Variants in KANK1 observed in about 807,000 individuals in gnomAD.
KANK1 encodes KN motif and ankyrin repeat domain-containing protein 1.
A neutral mutation model predicts 106.2 loss-of-function variants in KANK1; 109 were observed. The observed-to-expected ratio is 1.03, with a 90% CI of 0.88 to 1.20. KANK1 has a LOEUF of 1.20. Among genes scored for constraint, KANK1 ranks in the 50% most tolerant of loss-of-function variants. The pLI is 0.00. For missense variants in KANK1, 2,399 were observed against 1,710.7 expected (o/e 1.40, Z -7.10); for synonymous variants, 873 against 652.2 (o/e 1.34, Z -5.16).
At position 710,649 on chromosome 9, in the gene KANK1, C is replaced by A. The variant is rs1200497773; in HGVS notation, c.38-155C>A. On this transcript the variant is annotated intron_variant, in intron 2 of 11. Transcript: ENST00000382297. Reference sequence around the variant, plus strand: ...AAAAAACAAAAAAAAACAAAAAAAACTTGCTTACCCAGCTGTTGTAGATCC... The same window carrying A: ...AAAAAACAAAAAAAAACAAAAAAAAATTGCTTACCCAGCTGTTGTAGATCC... Among the ~76,000 whole-genome samples the A allele has an allele frequency of 1.1e-3, 143 of 130,786 alleles. 2 individuals are homozygous for A. The highest frequency in any genetic ancestry group is 2.1e-3 in the East Asian group (9 of 4,260). 85.8% of individuals were successfully genotyped at this position (130,786 alleles called of 152,430 possible).
At chr9:569,832 T>C (rs1234880006) in intron 1 of KANK1, among the ~76,000 whole-genome samples, 1 of 152,104 alleles carries the variant, frequency 6.6e-6, no homozygotes, top group Admixed American at 6.5e-5. Context: ...TTGGGTGTTT[T>C]TTTTTTCTCA....
chr9:687,224 A>C (rs1818786035), intron 2 of KANK1, among the ~76,000 whole-genome samples: 1 of 152,126 alleles, frequency 6.6e-6, no homozygotes, highest in African/African-American at 2.4e-5. Context: ...GTAATGGACC[A>C]GCCCCGAGGC....
At chr9:714,946 A>G (rs1827285913) in intron 3 of KANK1, among the ~76,000 whole-genome samples, 1 of 151,300 alleles carries the variant, frequency 6.6e-6, no homozygotes. Context: ...AGTGTGCATT[A>G]GATTAATTTT....
intron 1 of KANK1, among the ~76,000 whole-genome samples, chr9:597,067 T>C (rs765831598): frequency 6.6e-6 from 1 of 151,976 alleles, no homozygotes; most frequent in Non-Finnish European, 1.5e-5. Flanking sequence ...GTCTTAGCCA[T>C]TTTATGGCTG....
intron 2 of KANK1, among the ~76,000 whole-genome samples, chr9:699,287 C>A (rs1295206901): frequency 1.3e-5 from 2 of 152,218 alleles, no homozygotes; most frequent in African/African-American, 4.8e-5. Flanking sequence ...TCTACCCAGA[C>A]AGGCTCTGTG....
At chr9:699,997 A>G (rs1822251420) in intron 2 of KANK1, among the ~76,000 whole-genome samples, 1 of 152,186 alleles carries the variant, frequency 6.6e-6, no homozygotes, top group African/African-American at 2.4e-5. Context: ...GAATGAATGA[A>G]TACATACTTA....
intron 2 of KANK1, among the ~76,000 whole-genome samples, chr9:688,939 T>C (rs1159618130): frequency 6.6e-6 from 1 of 152,188 alleles, no homozygotes; most frequent in African/African-American, 2.4e-5. Flanking sequence ...TTTCCCACTG[T>C]TTTCTTGGGA....
upstream of KANK1, among the ~76,000 whole-genome samples, chr9:503,625 G>C (rs762336603): frequency 6.6e-6 from 1 of 152,216 alleles, no homozygotes; most frequent in Non-Finnish European, 1.5e-5. Context: ...GAGAGCTTGG[G>C]GGTGAGGGGA....
At chr9:729,760 A>T (rs1831700904) in intron 3 of KANK1, among the ~76,000 whole-genome samples, 1 of 151,280 alleles carries the variant, frequency 6.6e-6, no homozygotes, top group South Asian at 2.1e-4. Context: ...GAGTGGAAGT[A>T]GTAATGGAAG....
chr9:617,242 A>T (rs1832066566), intron 1 of KANK1, among the ~76,000 whole-genome samples: 1 of 152,124 alleles, frequency 6.6e-6, no homozygotes, highest in Admixed American at 6.6e-5. Flanking sequence ...TAGTTTCTTT[A>T]ACAATCTGTA....
At chr9:684,592 T>C (rs1417751372) in intron 2 of KANK1, 12 of 985,128 alleles carry the variant, frequency 1.2e-5, no homozygotes, top group African/African-American at 1.7e-5. Context: ...TTGGCATTTA[T>C]TTCTGATTAT....
chr9:681,904 C>G (rs1455391053), intron 2 of KANK1, among the ~76,000 whole-genome samples: 1 of 152,162 alleles, frequency 6.6e-6, no homozygotes, highest in East Asian at 1.9e-4. Context: ...CCCTCATGCT[C>G]TTTCTTTTTT....
At chr9:742,488 C>A (rs980468696) in intron 10 of KANK1, 83 bp downstream of exon 10, 2 of 1,016,570 alleles carry the variant, frequency 2.0e-6, no homozygotes, top group Non-Finnish European at 1.4e-6. Context: ...TGGCCAGGAG[C>A]GACCAAATCC....
At chr9:566,240 T>A (rs2134609137) in intron 1 of KANK1, among the ~76,000 whole-genome samples, 1 of 152,386 alleles carries the variant, frequency 6.6e-6, no homozygotes, top group Non-Finnish European at 1.5e-5. Flanking sequence ...TTCCACATTT[T>A]CTTTATCCAC....
rs1587951745 is a variant in KANK1 at position 575,625 on chromosome 9, C to G, written c.-84+70871C>G. On this transcript the variant is annotated intron_variant, in intron 1 of 11. Coordinates refer to ENST00000382297, the MANE Select transcript of KANK1 (RefSeq NM_015158.5). Reference sequence around the variant, plus strand: ...GGTTGAGGCTGCAGTTAGCCATGATCATGTCACTGCACTCCAGCCTGGGCA... The same window carrying G: ...GGTTGAGGCTGCAGTTAGCCATGATGATGTCACTGCACTCCAGCCTGGGCA... 2.6e-5 allele frequency among the ~76,000 whole-genome samples: 4 copies of G among 152,098 alleles called. 1 individual carries two copies. The South Asian group carries it at 8.3e-4, about 32-fold the overall frequency.
At chr9:667,849 A>C (rs1052797143) in intron 1 of KANK1, among the ~76,000 whole-genome samples, 1 of 150,836 alleles carries the variant, frequency 6.6e-6, no homozygotes, top group Non-Finnish European at 1.5e-5. Flanking sequence ...CTCCTGCCTC[A>C]GCCTCCCAAG....
At chr9:602,675 C>G (rs1828061049) in intron 1 of KANK1, among the ~76,000 whole-genome samples, 1 of 151,842 alleles carries the variant, frequency 6.6e-6, no homozygotes, top group Admixed American at 6.6e-5. Context: ...TTTGCATAAA[C>G]TTTTGATAAG....
intron 1 of KANK1, among the ~76,000 whole-genome samples, chr9:564,115 G>A (rs1361938598): frequency 2.0e-5 from 3 of 150,250 alleles, no homozygotes; most frequent in African/African-American, 7.4e-5. Flanking sequence ...GCTGGAGTGC[G>A]GTGGCGCAAT....
chr9:579,534 C>T (rs914390870), intron 1 of KANK1, among the ~76,000 whole-genome samples: 1 of 152,180 alleles, frequency 6.6e-6, no homozygotes, highest in Admixed American at 6.5e-5. Context: ...AGATCCAGCT[C>T]CATCTGGAGC....
Sources: gnomAD v4.1 joint callset for allele counts (sites outside exome capture counted in the v4.1 genomes callset) on GRCh38, gnomAD v4.1.1 for gene constraint, MANE v1.5 for transcripts, NCBI Gene and HGNC (gene_info 2026-07-23, HGNC 2026-07-21) for gene names.